The following ANKRD17 variants were observed in gnomAD, a reference collection of about 807,000 sequenced individuals.
The protein encoded by ANKRD17 is ankyrin repeat domain 17, also known as ankyrin repeat domain-containing protein 17.
ANKRD17 carries 19 observed loss-of-function variants against 229.7 expected under a neutral mutation model. That is an observed-to-expected ratio of 0.08 (90% CI 0.06 to 0.12). The LOEUF (loss-of-function observed/expected upper bound fraction) is 0.12, where lower values mean the gene tolerates loss of function less well. Among genes scored for constraint, ANKRD17 ranks in the 10% least tolerant of loss-of-function variants. The pLI, the probability that ANKRD17 is intolerant of heterozygous loss-of-function variation, is 1.00. For missense variants in ANKRD17, 2,176 were observed against 3,176.8 expected (o/e 0.68, Z 7.57); for synonymous variants, 1,112 against 1,146.1 (o/e 0.97, Z 0.60).
At chr4:73,104,274 C>A (rs564248790) in intron 24 of ANKRD17, among the ~76,000 whole-genome samples, 5 of 152,072 alleles carry the variant, frequency 3.3e-5, no homozygotes, top group Non-Finnish European at 7.4e-5. Flanking sequence ...CCTGGATCAC[C>A]ACAAGGGAGG....
chr4:73,229,937 A>C (rs1290250965), intron 1 of ANKRD17, among the ~76,000 whole-genome samples: 1 of 152,164 alleles, frequency 6.6e-6, no homozygotes, highest in Non-Finnish European at 1.5e-5. Context: ...TTAAAGCATG[A>C]AATTCTAAAG....
intron 1 of ANKRD17, among the ~76,000 whole-genome samples, chr4:73,253,190 C>T (rs1457124713): frequency 6.6e-6 from 1 of 152,144 alleles, no homozygotes; most frequent in African/African-American, 2.4e-5. Flanking sequence ...ATGCTCCCTG[C>T]CAACATTTGT....
At position 73,226,869 on chromosome 4, in the gene ANKRD17, A is replaced by G. The variant is rs150193000; in HGVS notation, c.393+31407T>C. 2.3e-3 allele frequency among the ~76,000 whole-genome samples: 345 copies of G among 151,138 alleles called. 4 individuals are homozygous for G. The highest frequency in any genetic ancestry group is 7.9e-3 in the African/African-American group (327 of 41,216). ...AGCTGGGACTACAGGCACGTGCCAC[A>G]ATTTCTAACAAAAGCATTTGTTCTT... On this transcript the variant is annotated intron_variant, in intron 1 of 33. Transcript: ENST00000358602.
At chr4:73,250,463 C>T (rs1744889653) in intron 1 of ANKRD17, among the ~76,000 whole-genome samples, 1 of 151,160 alleles carries the variant, frequency 6.6e-6, no homozygotes, top group South Asian at 2.1e-4. Flanking sequence ...ATTAGCCAGG[C>T]GCAGTGGCTC....
In ANKRD17 at chr4:73,086,919, A is replaced by AAT. The variant is rs61024099; in HGVS notation, c.6962-1475_6962-1474dup. On this transcript the variant is annotated intron_variant, in intron 29 of 33. Coordinates refer to ENST00000358602, the MANE Select transcript of ANKRD17 (RefSeq NM_032217.5). Reference sequence around the variant, plus strand: ...TCTCAAAAAAAAAAAAAAAAAAAAAAATATATATATATATATATATATATA... The same window carrying AAT: ...TCTCAAAAAAAAAAAAAAAAAAAAAAATATATATATATATATATATATATATA... Among the ~76,000 whole-genome samples, 101 of 12,462 alleles carry AAT rather than the reference A, an allele frequency of 8.1e-3. 4 individuals are homozygous for AAT. The highest frequency in any genetic ancestry group is 0.022 in the South Asian group (5 of 228). 8.2% of individuals were successfully genotyped at this position (12,462 alleles called of 152,430 possible).
In ANKRD17 at chr4:73,139,743, A is replaced by G. The variant is rs1267022181; in HGVS notation, c.2873T>C (p.Met958Thr). 3.1e-6 allele frequency: 5 copies of G among 1,614,070 alleles called. No individual in the cohort carries two copies. The highest frequency in any genetic ancestry group is 1.3e-5 in the African/African-American group (1 of 74,936). The change falls in exon 15 of 34, where the codon ATG (methionine) becomes ACG (threonine). Residue 958 changes from methionine (M) to threonine (T), a missense_variant. Met to Thr is a moderately conservative substitution (Grantham distance 81). Coordinates refer to ENST00000358602, the MANE Select transcript of ANKRD17 (RefSeq NM_032217.5). ...MGFAPIQPLA[M>T]PQALPLAAGP... ...TGCCGCCAGAGGCAAAGCTTGAGGC[A>G]TCGCCAGAGGCTGGATTGGCGCAAA...
chr4:73,222,182 T>C (rs1390278376), intron 1 of ANKRD17, among the ~76,000 whole-genome samples: 2 of 152,010 alleles, frequency 1.3e-5, no homozygotes, highest in Non-Finnish European at 2.9e-5. Context: ...CAGATAAGAA[T>C]ATGAGATTTA....
At chr4:73,241,514 A>G (rs1456276680) in intron 1 of ANKRD17, among the ~76,000 whole-genome samples, 1 of 152,208 alleles carries the variant, frequency 6.6e-6, no homozygotes, top group Non-Finnish European at 1.5e-5. Flanking sequence ...AAAAAGAGGT[A>G]TGTACTAAAT....
rs1338498270 is a variant in ANKRD17 at position 73,139,834 on chromosome 4, G to A, written c.2782C>T (p.Arg928Trp). ...AAAACAGGATCCACTTGCTGTAACC[G>A]TGCATAGTCTCCCTCAGAAAGCTGC... Reference protein sequence around the residue: ...GEQLSEGDYARLQQVDPVLLK... With the variant: ...GEQLSEGDYAWLQQVDPVLLK... Residue 928 changes from arginine (R) to tryptophan (W), a missense_variant, in exon 15 of 34, where the codon CGG (arginine) becomes TGG (tryptophan). Arg to Trp is a moderately radical substitution (Grantham distance 101, BLOSUM62 -3). Around this residue, in one of 18 missense-constraint regions of ANKRD17, gnomAD observed 230 missense variants for 252.3 expected, o/e 0.91. Coordinates refer to ENST00000358602, the MANE Select transcript of ANKRD17 (RefSeq NM_032217.5). 1.7e-5 allele frequency: 28 copies of A among 1,614,086 alleles called. No individual in the cohort carries two copies. Among genetic ancestry groups the A allele is most frequent in the African/African-American group, 1.3e-5 (1 of 74,916 alleles).
intron 1 of ANKRD17, among the ~76,000 whole-genome samples, chr4:73,227,466 A>C (rs944556092): frequency 6.6e-6 from 1 of 152,102 alleles, no homozygotes; most frequent in African/African-American, 2.4e-5. Context: ...ACCTAATTTT[A>C]TAGGCAAGAA....
At position 73,120,143 on chromosome 4, in the gene ANKRD17, G is replaced by A. The variant is rs1726532309; in HGVS notation, c.4025+19C>T. ...AGTAACACTTGTGTTCATATATGAA[G>A]GGTATGGTAACAACATACCTGCCAA... On this transcript the variant is annotated intron_variant, in intron 21 of 33. Coordinates refer to ENST00000358602, the MANE Select transcript of ANKRD17 (RefSeq NM_032217.5). 2 of 1,606,810 alleles carry A rather than the reference G, an allele frequency of 1.2e-6. No individual in the cohort carries two copies. The highest frequency in any genetic ancestry group is 2.2e-5 in the South Asian group (2 of 90,892).
At chr4:73,254,931 A>C (rs1339899285) in intron 1 of ANKRD17, among the ~76,000 whole-genome samples, 3 of 152,310 alleles carry the variant, frequency 2.0e-5, no homozygotes, top group Non-Finnish European at 4.4e-5. Context: ...TTTGTCCACT[A>C]ATTTGAAAGA....
chr4:73,153,961 A>G lies in ANKRD17; in HGVS notation c.1153T>C (p.Leu385=), dbSNP rs1366973194. 3.1e-6 allele frequency: 5 copies of G among 1,613,488 alleles called. No homozygotes were observed. In the South Asian group the frequency reaches 5.5e-5, roughly 18 times the overall value. Residue 385 remains leucine, a synonymous_variant, in exon 6 of 34, where the codon TTG becomes CTG. Transcript: ENST00000358602. The part of the protein sequence containing the change: ...GSAGHVEVAR[L]LLENGAGINT... The stretch of plus-strand genomic sequence containing the variant: ...ATGCCAGCCCCATTTTCTAGCAGCA[A>G]TCTGGCTACTTCCACATGTCCAGCA...
chr4:73,167,307 GAGAA>G (rs553763827), intron 2 of ANKRD17, among the ~76,000 whole-genome samples: 351 of 152,220 alleles, frequency 2.3e-3, no homozygotes, highest in African/African-American at 7.0e-3. Flanking sequence ...AAGAGAGGTG[GAGAA>G]AGAAAGAAAG....
At chr4:73,234,194 CTCT>C (rs1217780352) in intron 1 of ANKRD17, among the ~76,000 whole-genome samples, 1 of 152,098 alleles carries the variant, frequency 6.6e-6, no homozygotes, top group Admixed American at 6.6e-5. Context: ...ACAGTTCCTC[CTCT>C]TAATTCCAAA....
chr4:73,237,668 T>C (rs532574940), intron 1 of ANKRD17, among the ~76,000 whole-genome samples: 110 of 152,198 alleles, frequency 7.2e-4, no homozygotes, highest in Non-Finnish European at 1.2e-3. Flanking sequence ...CTTTTCATTT[T>C]ATCTAGAACC....
intron 4 of ANKRD17, 40 bp downstream of exon 4, chr4:73,155,979 T>A (rs759318233): frequency 1.8e-5 from 28 of 1,537,106 alleles, no homozygotes; most frequent in African/African-American, 4.2e-5. Flanking sequence ...AGCCAGTTTT[T>A]AAAAAAACAA....
intron 1 of ANKRD17, among the ~76,000 whole-genome samples, chr4:73,185,293 T>C (rs1736144593): frequency 6.6e-6 from 1 of 151,616 alleles, no homozygotes; most frequent in African/African-American, 2.4e-5. Context: ...TGGTAATAAA[T>C]AAAAATATTT....
At chr4:73,231,567 T>C (rs1162220348) in intron 1 of ANKRD17, among the ~76,000 whole-genome samples, 1 of 152,360 alleles carries the variant, frequency 6.6e-6, no homozygotes, top group Middle Eastern at 3.4e-3. Context: ...CTGCCTGTGA[T>C]ATCATGAAAT....
Sources: gnomAD v4.1 joint callset for allele counts (sites outside exome capture counted in the v4.1 genomes callset) on GRCh38, gnomAD v4.1.1 for gene constraint, gnomAD v4.1.1 regional missense constraint, MANE v1.5 for transcripts, NCBI Gene and HGNC (gene_info 2026-07-23, HGNC 2026-07-21) for gene names.